Variants in RIMS2 observed in about 807,000 individuals in gnomAD.
RIMS2 encodes regulating synaptic membrane exocytosis protein 2.
RIMS2 carries 59 observed loss-of-function variants against 174.4 expected under a neutral mutation model. The ratio of observed to expected loss-of-function variants is 0.34; its 90% CI spans 0.27 to 0.42. The LOEUF (loss-of-function observed/expected upper bound fraction) is 0.42. Ranked by LOEUF, RIMS2 falls within the 10% of genes least tolerant of loss-of-function variation. The pLI is 1.00. For missense variants in RIMS2, 1,620 were observed against 1,666.3 expected, an observed-to-expected ratio of 0.97 and a Z score of 0.48; for synonymous variants, 606 against 572.5, an observed-to-expected ratio of 1.06 and a Z score of -0.84.
chr8:103,829,688 G>C (rs376670231), intron 3 of RIMS2, among the ~76,000 whole-genome samples: 19 of 152,248 alleles, frequency 1.2e-4, no homozygotes, highest in African/African-American at 4.6e-4. Flanking sequence ...GGGAAGATTA[G>C]ACACTGGGGC....
intron 3 of RIMS2, chr8:103,769,063 TA>T (rs974443765): frequency 0.011 from 2,696 of 241,014 alleles, no homozygotes; most frequent in South Asian, 0.02. Context: ...AAGATCAGAC[TA>T]AAAAAAAAAG....
intron 3 of RIMS2, among the ~76,000 whole-genome samples, chr8:103,798,536 T>C (rs1032827998): frequency 3.9e-5 from 6 of 152,226 alleles, no homozygotes; most frequent in African/African-American, 7.2e-5. Context: ...GTTAATCATT[T>C]GTCAGTTTAT....
intron 2 of RIMS2, among the ~76,000 whole-genome samples, chr8:103,712,167 CTTTTTTT>C (rs760792486): frequency 1.9e-4 from 24 of 127,302 alleles, no homozygotes; most frequent in South Asian, 1.8e-3. Context: ...AATTTTTAAA[CTTTTTTT>C]TTTTTTTTTT....
intron 14 of RIMS2, among the ~76,000 whole-genome samples, chr8:103,944,159 G>T (rs1483265180): frequency 1.3e-5 from 2 of 151,942 alleles, no homozygotes; most frequent in Non-Finnish European, 2.9e-5. Context: ...CCTTTGGATG[G>T]TATTAATTGA....
intron 17 of RIMS2, among the ~76,000 whole-genome samples, chr8:104,004,430 A>G (rs2095498962): frequency 4.6e-5 from 7 of 152,142 alleles, no homozygotes; most frequent in Admixed American, 4.6e-4. Context: ...CAGTAAAAAT[A>G]ATGAATGAAA....
At chr8:103,960,095 G>T (rs2089422404) in intron 14 of RIMS2, among the ~76,000 whole-genome samples, 1 of 152,176 alleles carries the variant, frequency 6.6e-6, no homozygotes, top group Admixed American at 6.5e-5. Context: ...CGACAAAATT[G>T]ATAGACCGCT....
At chr8:103,896,531 C>T (rs1291903397) in intron 4 of RIMS2, among the ~76,000 whole-genome samples, 1 of 151,596 alleles carries the variant, frequency 6.6e-6, no homozygotes, top group South Asian at 2.1e-4. Flanking sequence ...AAGACTTATA[C>T]TTGATTTTTG....
intron 19 of RIMS2, among the ~76,000 whole-genome samples, chr8:104,076,686 G>A (rs1048528036): frequency 1.3e-5 from 2 of 151,192 alleles, no homozygotes; most frequent in African/African-American, 4.9e-5. Flanking sequence ...TAACCAAACT[G>A]CCTAGATTAA....
intron 2 of RIMS2, among the ~76,000 whole-genome samples, chr8:103,739,259 C>T (rs1378417489): frequency 6.6e-6 from 1 of 152,134 alleles, no homozygotes; most frequent in Non-Finnish European, 1.5e-5. Flanking sequence ...AACCATCATT[C>T]TCAGCAAACT....
chr8:103,894,493 A>G (rs1419861990), intron 4 of RIMS2, among the ~76,000 whole-genome samples: 1 of 151,606 alleles, frequency 6.6e-6, no homozygotes, highest in African/African-American at 2.4e-5. Flanking sequence ...AAACCTAGAA[A>G]TGTATTAAAA....
Position 103,819,288 on chromosome 8 carries a change from C to T in RIMS2, c.698+52751C>T, listed in dbSNP as rs555196159. The T allele has an allele frequency of 6.8e-5, 93 of 1,359,440 alleles. No homozygotes were observed. The East Asian group carries it at 1.9e-3, about 28-fold the overall frequency. The allele number at this position is 1,359,440 out of a possible 1,614,324, so 84.2% of individuals were successfully genotyped here. ...ATTCTTGCTACAGTCAGGAGAAAGCCGAAAGCTGCACGGGTACTGAATCTT... is the reference window on the plus strand; with the variant it reads ...ATTCTTGCTACAGTCAGGAGAAAGCTGAAAGCTGCACGGGTACTGAATCTT... On this transcript the variant is annotated intron_variant, in intron 3 of 23. Coordinates refer to ENST00000504942, the Ensembl canonical transcript of RIMS2.
rs1051246797 is a variant in RIMS2 at position 103,955,910 on chromosome 8, A to T, written c.2702-5155A>T. Among the ~76,000 whole-genome samples, 10 of 152,238 alleles carry T rather than the reference A, an allele frequency of 6.6e-5. No individual in the cohort carries two copies. The South Asian group carries it at 2.1e-3, about 32-fold the overall frequency. On this transcript the variant is annotated intron_variant, in intron 14 of 23. Coordinates refer to ENST00000504942, the Ensembl canonical transcript of RIMS2. ...TAAGCAACTTCAGCAAAGTCTCAGGATACAAAATCAATGTGCAAAAATCAC... is the reference window on the plus strand; with the variant it reads ...TAAGCAACTTCAGCAAAGTCTCAGGTTACAAAATCAATGTGCAAAAATCAC...
At chr8:103,949,218 A>G (rs1344674637) in intron 14 of RIMS2, among the ~76,000 whole-genome samples, 1 of 151,974 alleles carries the variant, frequency 6.6e-6, no homozygotes, top group Non-Finnish European at 1.5e-5. Context: ...CAGTAATAAA[A>G]CTACAGAATA....
intron 19 of RIMS2, among the ~76,000 whole-genome samples, chr8:104,176,743 A>G (rs1770691593): frequency 6.6e-6 from 1 of 151,814 alleles, no homozygotes; most frequent in Non-Finnish European, 1.5e-5. Flanking sequence ...TAGTGAAAGA[A>G]AAAATGAAAC....
intron 19 of RIMS2, among the ~76,000 whole-genome samples, chr8:104,128,234 C>T (rs1300503714): frequency 6.6e-6 from 1 of 152,136 alleles, no homozygotes; most frequent in Non-Finnish European, 1.5e-5. Context: ...CCAACATGGG[C>T]AAGAATGAGT....
rs1222500169 is a variant in RIMS2 at position 104,093,648 on chromosome 8, G to C, written c.3334+79033G>C. ...AGGAGGAAACAAGAAAATCAGGTAAGGGGATTTCAACAACAAACTTCTCTA... is the reference window on the plus strand; with the variant it reads ...AGGAGGAAACAAGAAAATCAGGTAACGGGATTTCAACAACAAACTTCTCTA... On this transcript the variant is annotated intron_variant, in intron 19 of 23. Coordinates refer to ENST00000504942, the Ensembl canonical transcript of RIMS2. 1.0e-5 allele frequency: 16 copies of C among 1,587,794 alleles called. No individual in the cohort carries two copies. Among genetic ancestry groups the C allele is most frequent in the Non-Finnish European group, 1.4e-5 (16 of 1,174,480 alleles).
At chr8:104,045,623 T>G (rs1183879724) in intron 19 of RIMS2, among the ~76,000 whole-genome samples, 1 of 151,900 alleles carries the variant, frequency 6.6e-6, no homozygotes, top group Non-Finnish European at 1.5e-5. Context: ...TAAGTAGATC[T>G]CAACATAAAA....
chr8:103,751,565 A>G (rs543593825), intron 2 of RIMS2, among the ~76,000 whole-genome samples: 1 of 151,604 alleles, frequency 6.6e-6, no homozygotes, highest in Non-Finnish European at 1.5e-5. Flanking sequence ...TCCCACCAAC[A>G]GTGTAAAAGT....
At chr8:104,205,490 A>G (rs2099075403) in intron 19 of RIMS2, among the ~76,000 whole-genome samples, 1 of 96,226 alleles carries the variant, frequency 1.0e-5, no homozygotes, top group Admixed American at 1.2e-4. Flanking sequence ...AATTTTGTGA[A>G]GTGTCTGTGT....
Sources: allele counts gnomAD v4.1 joint callset (sites outside exome capture counted in the v4.1 genomes callset), GRCh38; gene constraint gnomAD v4.1.1; transcripts MANE v1.5; gene names NCBI Gene and HGNC (gene_info 2026-07-23, HGNC 2026-07-21).